BAZ2B: variants seen among roughly 807,000 people sequenced by gnomAD.
BAZ2B encodes the protein bromodomain adjacent to zinc finger domain protein 2B.
Under a neutral mutation model 246.0 loss-of-function variants are expected in BAZ2B, and 91 were observed. The ratio of observed to expected loss-of-function variants is 0.37; its 90% CI spans 0.31 to 0.44. BAZ2B has a LOEUF of 0.44. Among genes scored for constraint, BAZ2B ranks in the 20% least tolerant of loss-of-function variants. The pLI, the probability that BAZ2B is intolerant of heterozygous loss-of-function variation, is 1.00. For synonymous variants in BAZ2B, 855 were observed against 860.0 expected (o/e 0.99, Z 0.10); for missense variants, 2,332 against 2,533.7 (o/e 0.92, Z 1.71).
intron 27 of BAZ2B, among the ~76,000 whole-genome samples, chr2:159,356,885 G>T (rs760803988): frequency 2.6e-4 from 40 of 152,168 alleles, no homozygotes; most frequent in Non-Finnish European, 1.5e-5. Context: ...CAGCAGAGGG[G>T]CCTGTTAGAA....
At chr2:159,483,002 T>C (rs889471550) in intron 2 of BAZ2B, among the ~76,000 whole-genome samples, 4 of 152,306 alleles carry the variant, frequency 2.6e-5, no homozygotes, top group Middle Eastern at 6.8e-3. Flanking sequence ...TTAAGAATAC[T>C]CCTTTCATCT....
the BAZ2B span, among the ~76,000 whole-genome samples, chr2:159,668,982 G>C: frequency 6.6e-6 from 1 of 152,092 alleles, no homozygotes; most frequent in South Asian, 2.1e-4. Flanking sequence ...CTTGAACCTA[G>C]GAGGCAGAGG....
Position 159,432,824 on chromosome 2 carries a change from T to C in BAZ2B, c.1833A>G (p.Glu611=), listed in dbSNP as rs772143596. The change falls in exon 9 of 37, where the codon GAA becomes GAG. Residue 611 remains glutamate (E), a synonymous_variant. Coordinates refer to ENST00000392783, the MANE Select transcript of BAZ2B (RefSeq NM_013450.4). ...SKDSEDSNED[E]EEDDEEEDEE... is the part of the protein sequence containing the mutation. ...CATCTTCTTCTTCATCATCTTCCTCTTCATCCTCATTTGAATCTTCAGAAT... is the reference window on the plus strand; with the variant it reads ...CATCTTCTTCTTCATCATCTTCCTCCTCATCCTCATTTGAATCTTCAGAAT... 6.2e-7 allele frequency: 1 copy of C among 1,614,088 alleles called. No homozygotes were observed. The highest frequency in any genetic ancestry group is 8.5e-7 in the Non-Finnish European group (1 of 1,179,944).
At chr2:159,502,575 A>G (rs1361297548) in intron 2 of BAZ2B, among the ~76,000 whole-genome samples, 1 of 152,096 alleles carries the variant, frequency 6.6e-6, no homozygotes, top group Non-Finnish European at 1.5e-5. Context: ...CTGAGGCTGC[A>G]GTTAGCTGTG....
intron 2 of BAZ2B, among the ~76,000 whole-genome samples, chr2:159,545,250 T>C (rs1195486498): frequency 3.3e-5 from 5 of 152,152 alleles, no homozygotes; most frequent in East Asian, 1.9e-4. Context: ...TGCTCTAATA[T>C]AAAAAACTAC....
intron 2 of BAZ2B, among the ~76,000 whole-genome samples, chr2:159,502,900 T>A (rs902897660): frequency 3.3e-5 from 5 of 152,188 alleles, no homozygotes; most frequent in African/African-American, 1.2e-4. Flanking sequence ...ATATACTTTT[T>A]AAAAACTTGG....
intron 31 of BAZ2B, among the ~76,000 whole-genome samples, chr2:159,339,779 G>A (rs532997759): frequency 6.6e-6 from 1 of 152,100 alleles, no homozygotes; most frequent in Non-Finnish European, 1.5e-5. Flanking sequence ...AAAATGGATG[G>A]ACTGGAGGAC....
At chr2:159,512,059 A>G (rs1375374889) in intron 2 of BAZ2B, among the ~76,000 whole-genome samples, 1 of 152,166 alleles carries the variant, frequency 6.6e-6, no homozygotes, top group African/African-American at 2.4e-5. Flanking sequence ...TAGAACAGAA[A>G]TATATAGACA....
chr2:159,442,521 T>C (rs1039579713), intron 6 of BAZ2B, among the ~76,000 whole-genome samples: 1 of 152,214 alleles, frequency 6.6e-6, no homozygotes, highest in Non-Finnish European at 1.5e-5. Context: ...AAAATACACA[T>C]AACATAAAAT....
intron 3 of BAZ2B, among the ~76,000 whole-genome samples, chr2:159,469,417 T>C (rs919729348): frequency 2.6e-5 from 4 of 152,062 alleles, no homozygotes; most frequent in African/African-American, 7.2e-5. Flanking sequence ...GTTCTATGCC[T>C]ACATTTTTTA....
the BAZ2B span, among the ~76,000 whole-genome samples, chr2:159,679,271 CAAAAAA>C: frequency 1.6e-5 from 1 of 64,468 alleles, no homozygotes; most frequent in African/African-American, 5.6e-5. Context: ...GACTTCATCT[CAAAAAA>C]AAAAAAAAAA....
the BAZ2B span, among the ~76,000 whole-genome samples, chr2:159,649,285 G>T: frequency 6.6e-6 from 1 of 151,892 alleles, no homozygotes; most frequent in Non-Finnish European, 1.5e-5. Flanking sequence ...GCAACTAGAT[G>T]GTCCCATCTG....
At chr2:159,605,802 T>C (rs1693351088) in intron 1 of BAZ2B, among the ~76,000 whole-genome samples, 1 of 152,200 alleles carries the variant, frequency 6.6e-6, no homozygotes, top group South Asian at 2.1e-4. Flanking sequence ...CAGGCATGCC[T>C]TATTCCTACC....
chr2:159,579,268 A>G (rs1445892785), intron 1 of BAZ2B, among the ~76,000 whole-genome samples: 1 of 152,234 alleles, frequency 6.6e-6, no homozygotes, highest in Non-Finnish European at 1.5e-5. Context: ...CCAGAAATAC[A>G]AACTACCATC....
intron 13 of BAZ2B, among the ~76,000 whole-genome samples, chr2:159,427,195 CTGGGACCCCTTTCAA>C (rs2070092941): frequency 6.6e-6 from 1 of 152,116 alleles, no homozygotes; most frequent in Non-Finnish European, 1.5e-5. Context: ...CACTCCTTAA[CTGGGACCCCTTTCAA>C]TGCAGCTAAA....
upstream of BAZ2B, among the ~76,000 whole-genome samples, chr2:159,620,166 T>C (rs1331319760): frequency 6.6e-6 from 1 of 152,170 alleles, no homozygotes; most frequent in African/African-American, 2.4e-5. Flanking sequence ...CTATGGGTAT[T>C]GTAGATGGTT....
chr2:159,455,763 GTTTTTT>G (rs60866580), intron 3 of BAZ2B, among the ~76,000 whole-genome samples: 1 of 64,608 alleles, frequency 1.5e-5, no homozygotes, highest in Admixed American at 2.3e-4. Context: ...AAATATTGTG[GTTTTTT>G]TTTTTTTTTT....
chr2:159,408,756 T>C (rs1297039016), intron 14 of BAZ2B, among the ~76,000 whole-genome samples: 1 of 152,008 alleles, frequency 6.6e-6, no homozygotes, highest in Non-Finnish European at 1.5e-5. Flanking sequence ...CGAACTCTAC[T>C]AAAAATAGCA....
At chr2:159,413,447 C>A (rs1296993428) in intron 13 of BAZ2B, among the ~76,000 whole-genome samples, 1 of 152,124 alleles carries the variant, frequency 6.6e-6, no homozygotes, top group African/African-American at 2.4e-5. Flanking sequence ...TGGCTCACGA[C>A]CTGTAATCCC....
Sources: allele counts gnomAD v4.1 joint callset (sites outside exome capture counted in the v4.1 genomes callset), GRCh38; gene constraint gnomAD v4.1.1; transcripts MANE v1.5; gene names NCBI Gene and HGNC (gene_info 2026-07-23, HGNC 2026-07-21).